FBN2: variants seen among roughly 807,000 people sequenced by gnomAD.
FBN2 encodes the protein fibrillin 2.
Under a neutral mutation model 355.6 loss-of-function variants are expected in FBN2, and 105 were observed. The observed-to-expected ratio is 0.30, with a 90% CI of 0.25 to 0.35. The LOEUF (loss-of-function observed/expected upper bound fraction) is 0.35. Among genes scored for constraint, FBN2 ranks in the 10% least tolerant of loss-of-function variants. FBN2 has a pLI of 1.00. For missense variants in FBN2, 3,280 were observed against 3,758.7 expected (o/e 0.87, Z 3.33); for synonymous variants, 1,350 against 1,301.2 (o/e 1.04, Z -0.81).
chr5:128,363,640 T>A (rs897829472), intron 18 of FBN2, among the ~76,000 whole-genome samples: 1 of 152,132 alleles, frequency 6.6e-6, no homozygotes, highest in Non-Finnish European at 1.5e-5. Context: ...TATAATGAGG[T>A]TGTTAGGGTA....
chr5:128,373,967 T>G (rs1752014797), intron 15 of FBN2, among the ~76,000 whole-genome samples: 1 of 152,208 alleles, frequency 6.6e-6, no homozygotes, highest in Non-Finnish European at 1.5e-5. Context: ...AATATTTATA[T>G]TTTAAGTTTT....
At position 128,358,823 on chromosome 5, in the gene FBN2, T is replaced by C. The variant is rs188587691; in HGVS notation, c.2555-1428A>G. Among the ~76,000 whole-genome samples the C allele has an allele frequency of 9.5e-4, 145 of 152,162 alleles. 1 individual carries two copies. The highest frequency in any genetic ancestry group is 3.3e-3 in the African/African-American group (139 of 41,584). ...TGTAAGAAGCCTGAAAAAAGAAGAA[T>C]TTCAATATTGTGTGTTTTTAAAATT... On this transcript the variant is annotated intron_variant, in intron 19 of 64. Transcript: ENST00000262464.
rs1193188162 is a variant in FBN2 at position 128,361,889 on chromosome 5, A to C, written c.2429-41T>G. ...GAAAGATAGGAGATACACATATTTA[A>C]GCATCTATTACAGTGGGCAGCAATG... On this transcript the variant is annotated intron_variant, in intron 18 of 64. Transcript: ENST00000262464. 3.7e-6 allele frequency: 6 copies of C among 1,601,528 alleles called. No individual in the cohort carries two copies. In the African/African-American group the frequency reaches 6.7e-5, roughly 18 times the overall value.
intron 6 of FBN2, among the ~76,000 whole-genome samples, chr5:128,451,494 G>C (rs1465112840): frequency 2.6e-5 from 4 of 152,094 alleles, no homozygotes. Flanking sequence ...CCACCTCCTG[G>C]GTTCAAGCGA....
intron 36 of FBN2, among the ~76,000 whole-genome samples, chr5:128,316,092 T>C (rs992508097): frequency 1.2e-4 from 19 of 152,222 alleles, no homozygotes; most frequent in African/African-American, 4.1e-4. Context: ...GTTCAATAAA[T>C]GCTAAAAGAA....
At chr5:128,320,483 T>TATTA (rs1254906409) in intron 34 of FBN2, among the ~76,000 whole-genome samples, 1 of 152,224 alleles carries the variant, frequency 6.6e-6, no homozygotes, top group Admixed American at 6.5e-5. Context: ...CAAAGCACTG[T>TATTA]ATTAATAGGT....
chr5:128,473,811 G>A (rs1355264809), intron 5 of FBN2, among the ~76,000 whole-genome samples: 2 of 152,196 alleles, frequency 1.3e-5, no homozygotes, highest in Non-Finnish European at 2.9e-5. Flanking sequence ...AATTATCTCT[G>A]TGCATTGAGA....
chr5:128,515,049 A>G (rs1045260839), intron 5 of FBN2, among the ~76,000 whole-genome samples: 4 of 152,168 alleles, frequency 2.6e-5, no homozygotes, highest in Admixed American at 2.6e-4. Context: ...ATACTTTATA[A>G]TACATTCCAA....
intron 4 of FBN2, among the ~76,000 whole-genome samples, chr5:128,523,097 T>C (rs886068679): frequency 6.6e-6 from 1 of 152,194 alleles, no homozygotes; most frequent in Non-Finnish European, 1.5e-5. Flanking sequence ...AGGTCAGGTA[T>C]ATATTTTTAT....
intron 28 of FBN2, 34 bp downstream of exon 28, chr5:128,335,954 A>G (rs368494079): frequency 6.2e-7 from 1 of 1,612,140 alleles, no homozygotes; most frequent in Admixed American, 1.7e-5. Flanking sequence ...GATTTGAGAC[A>G]TATGAGTTTC....
intron 7 of FBN2, among the ~76,000 whole-genome samples, chr5:128,418,426 G>A (rs1453132302): frequency 6.6e-6 from 1 of 151,996 alleles, no homozygotes; most frequent in Non-Finnish European, 1.5e-5. Flanking sequence ...TCCTTGAGGT[G>A]CATCATTAAT....
intron 7 of FBN2, among the ~76,000 whole-genome samples, chr5:128,427,743 C>A (rs1032837977): frequency 1.4e-4 from 22 of 152,142 alleles, no homozygotes; most frequent in African/African-American, 5.3e-4. Flanking sequence ...TGCTTTCCTG[C>A]CTTTAGAAAT....
intron 41 of FBN2, among the ~76,000 whole-genome samples, chr5:128,308,902 A>G (rs924076924): frequency 6.6e-6 from 1 of 152,242 alleles, no homozygotes; most frequent in African/African-American, 2.4e-5. Flanking sequence ...TGTCTAGCAC[A>G]GTGACATACA....
chr5:128,282,064 T>C (rs959866656), intron 55 of FBN2, among the ~76,000 whole-genome samples: 1 of 152,146 alleles, frequency 6.6e-6, no homozygotes, highest in Non-Finnish European at 1.5e-5. Flanking sequence ...TCATACTTGA[T>C]TGAGTATAGC....
chr5:128,359,158 G>C (rs756357937), intron 19 of FBN2, among the ~76,000 whole-genome samples: 6 of 151,922 alleles, frequency 3.9e-5, no homozygotes, highest in Non-Finnish European at 7.4e-5. Context: ...ACTTCAATCT[G>C]AAATATAGAA....
intron 8 of FBN2, 61 bp from the exon 9 acceptor site, chr5:128,395,335 C>T (rs547735853): frequency 6.4e-7 from 1 of 1,573,844 alleles, no homozygotes; most frequent in Non-Finnish European, 8.7e-7. Flanking sequence ...TTACAACAAT[C>T]ACTGTACATG....
chr5:128,392,997 T>G, intron 10 of FBN2, 138 bp downstream of exon 10: 2 of 744,276 alleles, frequency 2.7e-6, no homozygotes, highest in Non-Finnish European at 4.8e-6. Context: ...TGTCTCTCTC[T>G]CTCTCGCACC....
chr5:128,324,897 GCATGAGCCA>G (rs1361611181), intron 34 of FBN2, among the ~76,000 whole-genome samples: 22 of 152,168 alleles, frequency 1.4e-4, no homozygotes, highest in Admixed American at 1.4e-3. Context: ...AGGATTACAG[GCATGAGCCA>G]CTGCGCTCGG....
intron 7 of FBN2, among the ~76,000 whole-genome samples, chr5:128,410,589 C>A (rs1044847692): frequency 6.6e-6 from 1 of 152,142 alleles, no homozygotes; most frequent in Non-Finnish European, 1.5e-5. Flanking sequence ...GCTTTTATTT[C>A]TAGGCATTTC....
Sources: gnomAD v4.1 joint callset for allele counts (sites outside exome capture counted in the v4.1 genomes callset) on GRCh38, gnomAD v4.1.1 for gene constraint, MANE v1.5 for transcripts, NCBI Gene and HGNC (gene_info 2026-07-23, HGNC 2026-07-21) for gene names.